Variants in CNKSR2 observed in about 807,000 individuals in gnomAD.
CNKSR2 encodes connector enhancer of kinase suppressor of Ras 2, also known as CNK homolog protein 2.
A neutral mutation model predicts 84.4 loss-of-function variants in CNKSR2; 14 were observed. The ratio of observed to expected loss-of-function variants is 0.17; its 90% confidence interval spans 0.11 to 0.26. The LOEUF (loss-of-function observed/expected upper bound fraction) is 0.26, where lower values mean the gene tolerates loss of function less well. Among genes scored for constraint, CNKSR2 ranks in the 10% least tolerant of loss-of-function variants. CNKSR2 has a pLI of 1.00. For synonymous variants in CNKSR2, 275 were observed against 277.9 expected, an observed-to-expected ratio of 0.99 and a Z score of 0.10; for missense variants, 485 against 771.2, an observed-to-expected ratio of 0.63 and a Z score of 4.40.
chrX:21,638,933 C>T (rs1330458651), intron 20 of CNKSR2, among the ~76,000 whole-genome samples: 2 of 111,867 alleles, frequency 1.8e-5, no homozygotes, highest in African/African-American at 3.2e-5. Context: ...CCTCCTGTCT[C>T]GGCCTCCCAA....
intron 1 of CNKSR2, among the ~76,000 whole-genome samples, chrX:21,404,436 A>G (rs2090234653): frequency 1.8e-5 from 2 of 111,085 alleles, no homozygotes. Flanking sequence ...ATATTGTCCC[A>G]ATATATTCAT....
intron 1 of CNKSR2, among the ~76,000 whole-genome samples, chrX:21,409,992 G>A (rs1024445283): frequency 2.7e-5 from 3 of 109,166 alleles, no homozygotes; most frequent in Non-Finnish European, 5.7e-5. Context: ...TTACAAAAAC[G>A]GCATAGCTAA....
intron 19 of CNKSR2, among the ~76,000 whole-genome samples, chrX:21,608,523 G>A (rs1294386633): frequency 2.7e-5 from 3 of 111,225 alleles, no homozygotes; most frequent in African/African-American, 9.8e-5. Flanking sequence ...GTCTCATCCT[G>A]CCTAACATTT....
chrX:21,609,542 C>G lies in CNKSR2; in HGVS notation c.2617C>G (p.Pro873Ala). The G allele has an allele frequency of 8.3e-7, 1 of 1,210,195 alleles. No homozygotes were observed. Among genetic ancestry groups the G allele is most frequent in the Non-Finnish European group, 1.1e-6 (1 of 895,123 alleles). ...SACDPQDDVQPPEVEEEEEEE... is the reference protein window; with the variant it reads ...SACDPQDDVQAPEVEEEEEEE... ...CTGTGACCCACAGGATGACGTGCAA[C>G]CCCCAGAGGTGGAGGAAGAGGAGGA... Residue 873 changes from proline (P) to alanine (A), a missense_variant, in exon 20 of 22, where the codon CCC (proline) becomes GCC (alanine). By Grantham distance (27) the Pro-to-Ala change is conservative. Transcript: ENST00000379510.
intron 11 of CNKSR2, among the ~76,000 whole-genome samples, chrX:21,556,304 C>A (rs1055715964): frequency 9.0e-6 from 1 of 110,773 alleles, no homozygotes; most frequent in Non-Finnish European, 1.9e-5. Context: ...TCTGTCTTCT[C>A]CCATGAAGTT....
At chrX:21,458,725 A>G (rs2091023677) in intron 4 of CNKSR2, among the ~76,000 whole-genome samples, 1 of 110,646 alleles carries the variant, frequency 9.0e-6, no homozygotes, top group Non-Finnish European at 1.9e-5. Flanking sequence ...CCTAGTACCC[A>G]TTAGTTATTT....
At chrX:21,622,763 A>C (rs1001846849) in intron 20 of CNKSR2, among the ~76,000 whole-genome samples, 1 of 111,773 alleles carries the variant, frequency 8.9e-6, no homozygotes, top group Non-Finnish European at 1.9e-5. Context: ...ACTTACATGT[A>C]TTGATCTCAT....
intron 4 of CNKSR2, among the ~76,000 whole-genome samples, chrX:21,443,277 C>G (rs757823035): frequency 2.7e-4 from 30 of 111,820 alleles, no homozygotes; most frequent in Middle Eastern, 4.6e-3. Flanking sequence ...AAAATAGGAA[C>G]TTTGTTTTGA....
At chrX:21,611,286 T>C (rs1291171042) in intron 20 of CNKSR2, among the ~76,000 whole-genome samples, 1 of 112,835 alleles carries the variant, frequency 8.9e-6, no homozygotes, top group Non-Finnish European at 1.9e-5. Context: ...TGAGGTTTAT[T>C]CTTTTACAAA....
At chrX:21,507,196 A>G (rs748790657) in intron 8 of CNKSR2, among the ~76,000 whole-genome samples, 10 of 111,059 alleles carry the variant, frequency 9.0e-5, no homozygotes, top group Non-Finnish European at 1.7e-4. Flanking sequence ...TTTTTAGTTT[A>G]TTTAGCCCTA....
intron 20 of CNKSR2, among the ~76,000 whole-genome samples, chrX:21,610,356 G>T (rs1461401063): frequency 1.8e-5 from 2 of 112,002 alleles, no homozygotes; most frequent in Admixed American, 9.5e-5. Flanking sequence ...TATTCAACAT[G>T]CCATACCAAG....
chrX:21,481,191 C>G (rs1366602695), intron 5 of CNKSR2, among the ~76,000 whole-genome samples: 1 of 111,745 alleles, frequency 8.9e-6, no homozygotes, highest in Non-Finnish European at 1.9e-5. Context: ...GTCCTCCTCA[C>G]TATACAGTGA....
chrX:21,447,849 G>C (rs1158125577), intron 4 of CNKSR2, among the ~76,000 whole-genome samples: 1 of 111,692 alleles, frequency 9.0e-6, no homozygotes, highest in African/African-American at 3.2e-5. Context: ...TTAGAATCAA[G>C]TAAAGAGCTG....
chrX:21,475,568 A>G (rs977497409), intron 5 of CNKSR2, among the ~76,000 whole-genome samples: 31 of 111,261 alleles, frequency 2.8e-4, no homozygotes, highest in African/African-American at 1.0e-3. Flanking sequence ...ATCCCCAGTG[A>G]TGGCTGCCAT....
intron 17 of CNKSR2, among the ~76,000 whole-genome samples, chrX:21,598,339 G>A (rs746914006): frequency 2.7e-4 from 30 of 110,726 alleles, no homozygotes; most frequent in South Asian, 1.9e-3. Flanking sequence ...CAGTACACAT[G>A]TTCTTGTAAT....
chrX:21,438,607 CA>C (rs1569168560), intron 3 of CNKSR2, among the ~76,000 whole-genome samples: 1 of 109,865 alleles, frequency 9.1e-6, no homozygotes, highest in East Asian at 2.8e-4. Flanking sequence ...AAAATATAGG[CA>C]AAAATGATTT....
chrX:21,567,457 C>T (rs111769121), intron 13 of CNKSR2, among the ~76,000 whole-genome samples: 2,299 of 111,387 alleles, frequency 0.021, 35 homozygotes, highest in Non-Finnish European at 0.028. Flanking sequence ...TTCTCAGTGT[C>T]TTCAACCTGC....
intron 5 of CNKSR2, among the ~76,000 whole-genome samples, chrX:21,483,168 A>G (rs1055377061): frequency 9.0e-5 from 10 of 111,628 alleles, no homozygotes; most frequent in African/African-American, 2.9e-4. Context: ...AACCAACCCA[A>G]ATGTCCAACA....
intron 20 of CNKSR2, among the ~76,000 whole-genome samples, chrX:21,625,199 C>G (rs995910143): frequency 8.9e-5 from 10 of 112,229 alleles, no homozygotes; most frequent in Admixed American, 4.7e-4. Flanking sequence ...TTTGGTGACT[C>G]TTTTTCTGTT....
Sources: gnomAD v4.1 joint callset for allele counts (sites outside exome capture counted in the v4.1 genomes callset) on GRCh38, gnomAD v4.1.1 for gene constraint, MANE v1.5 for transcripts, NCBI Gene and HGNC (gene_info 2026-07-23, HGNC 2026-07-21) for gene names.